The following CNBD1 variants were observed in gnomAD, a reference collection of about 807,000 sequenced individuals.
CNBD1 encodes cyclic nucleotide-binding domain-containing protein 1.
A neutral mutation model predicts 54.4 loss-of-function variants in CNBD1; 71 were observed. The observed-to-expected ratio is 1.30, with a 90% confidence interval of 1.08 to 1.59. The LOEUF (loss-of-function observed/expected upper bound fraction) is 1.59, where lower values mean the gene tolerates loss of function less well. Ranked by LOEUF, CNBD1 falls within the 40% of genes most tolerant of loss-of-function variation. The probability of loss-of-function intolerance (pLI) is 0.00; values close to 1 mark genes in which losing one functional copy is unlikely to be tolerated. For synonymous variants in CNBD1, 182 were observed against 170.7 expected (o/e 1.07, Z -0.51); for missense variants, 659 against 518.0 (o/e 1.27, Z -2.64).
intron 10 of CNBD1, among the ~76,000 whole-genome samples, chr8:87,372,000 G>A (rs1161404539): frequency 1.3e-5 from 2 of 151,874 alleles, no homozygotes; most frequent in Non-Finnish European, 2.9e-5. Context: ...CAATTAGGCA[G>A]GAGAAGGAAA....
At position 86,892,838 on chromosome 8, in the gene CNBD1, T is replaced by C. The variant is rs140198884; in HGVS notation, c.158+5227T>C. On this transcript the variant is annotated intron_variant, in intron 2 of 10. Coordinates refer to ENST00000518476, the MANE Select transcript of CNBD1 (RefSeq NM_173538.3). ...TGGTGAGAACCTTTCTTTTTCTTAATGAGAATGTTTTGATAATTCTGTTGG... is the reference window on the plus strand; with the variant it reads ...TGGTGAGAACCTTTCTTTTTCTTAACGAGAATGTTTTGATAATTCTGTTGG... Among the ~76,000 whole-genome samples, 1,168 of 152,280 alleles carry C rather than the reference T, an allele frequency of 7.7e-3. 14 individuals are homozygous for C. The highest frequency in any genetic ancestry group is 0.026 in the African/African-American group (1,082 of 41,560).
chr8:87,190,189 G>T (rs1380508096), intron 4 of CNBD1, among the ~76,000 whole-genome samples: 1 of 152,114 alleles, frequency 6.6e-6, no homozygotes, highest in Admixed American at 6.6e-5. Context: ...CTAAGGTCCA[G>T]GGATTTTAGC....
chr8:87,328,594 T>C (rs1375334269), intron 8 of CNBD1, among the ~76,000 whole-genome samples: 1 of 152,050 alleles, frequency 6.6e-6, no homozygotes, highest in Non-Finnish European at 1.5e-5. Flanking sequence ...TGGAGTCCTT[T>C]GTGATTCCAT....
chr8:86,934,601 A>G (rs1809512371), intron 3 of CNBD1, among the ~76,000 whole-genome samples: 2 of 152,100 alleles, frequency 1.3e-5, no homozygotes, highest in South Asian at 2.1e-4. Context: ...CTTCAGTATA[A>G]TATTTGCTGT....
At chr8:87,304,386 A>G (rs2130885243) in intron 8 of CNBD1, among the ~76,000 whole-genome samples, 1 of 152,248 alleles carries the variant, frequency 6.6e-6, no homozygotes, top group African/African-American at 2.4e-5. Flanking sequence ...TATCACAAGG[A>G]CAAAAAACCA....
chr8:86,880,373 A>G (rs1275352738), intron 1 of CNBD1, among the ~76,000 whole-genome samples: 1 of 152,228 alleles, frequency 6.6e-6, no homozygotes, highest in East Asian at 1.9e-4. Flanking sequence ...TAAAAATAAC[A>G]TAAAATACAA....
chr8:87,113,621 C>T (rs1370830323), intron 4 of CNBD1, among the ~76,000 whole-genome samples: 1 of 151,904 alleles, frequency 6.6e-6, no homozygotes, highest in Non-Finnish European at 1.5e-5. Context: ...TTTTACTTAC[C>T]TCAAAAAGAA....
intron 3 of CNBD1, among the ~76,000 whole-genome samples, chr8:86,935,730 A>G (rs1304579747): frequency 6.6e-6 from 1 of 152,076 alleles, no homozygotes; most frequent in Non-Finnish European, 1.5e-5. Context: ...TACTCTAACA[A>G]TTTTTATCCT....
intron 8 of CNBD1, among the ~76,000 whole-genome samples, chr8:87,324,554 G>T (rs372315803): frequency 1.9e-4 from 27 of 144,996 alleles, no homozygotes; most frequent in African/African-American, 5.3e-4. Flanking sequence ...GTCAAGGAAT[G>T]TATCCATTTC....
chr8:87,275,596 A>G (rs1033615772), intron 6 of CNBD1, among the ~76,000 whole-genome samples: 8 of 151,672 alleles, frequency 5.3e-5, no homozygotes, highest in Admixed American at 4.6e-4. Context: ...GCTATCTGTG[A>G]CAAACCCACA....
At chr8:87,092,469 GTATA>G (rs1199495623) in intron 4 of CNBD1, among the ~76,000 whole-genome samples, 1 of 144,758 alleles carries the variant, frequency 6.9e-6, no homozygotes, top group Non-Finnish European at 1.5e-5. Context: ...GTGTGTGTGT[GTATA>G]TATATACACA....
At chr8:87,167,254 C>A (rs1812982326) in intron 4 of CNBD1, among the ~76,000 whole-genome samples, 1 of 151,932 alleles carries the variant, frequency 6.6e-6, no homozygotes. Context: ...CGTGTATAAT[C>A]TGCAGTGATC....
intron 10 of CNBD1, among the ~76,000 whole-genome samples, chr8:87,354,940 C>G (rs2130931100): frequency 6.6e-6 from 1 of 152,198 alleles, no homozygotes; most frequent in East Asian, 1.9e-4. Flanking sequence ...ATGGCTGGGT[C>G]CATCAGAGAA....
chr8:87,015,136 A>G (rs1361846279), intron 4 of CNBD1, among the ~76,000 whole-genome samples: 1 of 152,228 alleles, frequency 6.6e-6, no homozygotes, highest in African/African-American at 2.4e-5. Context: ...ATACAAAACT[A>G]AATAATTGGT....
intron 4 of CNBD1, among the ~76,000 whole-genome samples, chr8:87,011,602 TA>T (rs143668821): frequency 8.5e-5 from 13 of 152,192 alleles, no homozygotes; most frequent in Admixed American, 2.6e-4. Context: ...AAAAATGTTG[TA>T]AAAAAATCTT....
intron 2 of CNBD1, among the ~76,000 whole-genome samples, chr8:87,426,222 A>T (rs953141262): frequency 1.3e-5 from 2 of 151,958 alleles, no homozygotes; most frequent in African/African-American, 2.4e-5. Context: ...GCTGTCTGGC[A>T]CTCCCTAGTG....
intron 8 of CNBD1, among the ~76,000 whole-genome samples, chr8:87,297,142 C>A (rs1357692108): frequency 2.4e-5 from 3 of 126,174 alleles, no homozygotes; most frequent in Non-Finnish European, 4.7e-5. Flanking sequence ...TGTGCCACTG[C>A]AGTCCAGCCT....
At chr8:87,394,339 T>G (rs1811371471) in intron 2 of CNBD1, among the ~76,000 whole-genome samples, 1 of 151,906 alleles carries the variant, frequency 6.6e-6, no homozygotes, top group Admixed American at 6.6e-5. Flanking sequence ...AGCAGAATAG[T>G]TCAACTTCAC....
At chr8:87,413,811 A>T (rs907993136) in intron 2 of CNBD1, among the ~76,000 whole-genome samples, 3 of 151,114 alleles carry the variant, frequency 2.0e-5, no homozygotes, top group Admixed American at 1.3e-4. Flanking sequence ...GCAAATCAAA[A>T]CCACAATGAG....
Sources: allele counts gnomAD v4.1 joint callset (sites outside exome capture counted in the v4.1 genomes callset), GRCh38; gene constraint gnomAD v4.1.1; transcripts MANE v1.5; gene names NCBI Gene and HGNC (gene_info 2026-07-23, HGNC 2026-07-21).